MTTP: variants seen among roughly 807,000 people sequenced by gnomAD.
MTTP encodes the protein microsomal triglyceride transfer protein.
MTTP carries 49 observed loss-of-function variants against 90.6 expected under a neutral mutation model. The ratio of observed to expected loss-of-function variants is 0.54; its 90% confidence interval spans 0.43 to 0.69. The LOEUF (loss-of-function observed/expected upper bound fraction) is 0.69, where lower values mean the gene tolerates loss of function less well. Among genes scored for constraint, MTTP ranks in the 30% least tolerant of loss-of-function variants. MTTP has a pLI of 0.00. For synonymous variants in MTTP, 347 were observed against 384.2 expected (o/e 0.90, Z 1.13); for missense variants, 945 against 1,067.5 (o/e 0.89, Z 1.60).
At chr4:99,603,350 C>T (rs550936270) in intron 10 of MTTP, among the ~76,000 whole-genome samples, 10 of 152,032 alleles carry the variant, frequency 6.6e-5, no homozygotes, top group South Asian at 6.2e-4. Context: ...AGTCTTTAGG[C>T]GGATGAATGA....
At chr4:99,578,622 T>C (rs1725024705) in intron 1 of MTTP, among the ~76,000 whole-genome samples, 1 of 152,146 alleles carries the variant, frequency 6.6e-6, no homozygotes, top group Non-Finnish European at 1.5e-5. Context: ...ATATGGCCAG[T>C]AAAGTAGAGG....
At chr4:99,622,450 A>C (rs1726259787) in intron 17 of MTTP, among the ~76,000 whole-genome samples, 1 of 152,224 alleles carries the variant, frequency 6.6e-6, no homozygotes, top group Non-Finnish European at 1.5e-5. Flanking sequence ...TTCATTCTAG[A>C]AAAATGTATG....
intron 3 of MTTP, among the ~76,000 whole-genome samples, chr4:99,586,731 T>A (rs1454584026): frequency 6.6e-6 from 1 of 152,164 alleles, no homozygotes; most frequent in Non-Finnish European, 1.5e-5. Context: ...TCTCCTCTTA[T>A]TCTTAAAATA....
intron 15 of MTTP, among the ~76,000 whole-genome samples, chr4:99,615,401 T>C (rs1240894969): frequency 6.6e-6 from 1 of 152,228 alleles, no homozygotes; most frequent in Non-Finnish European, 1.5e-5. Flanking sequence ...CTTGTACAGT[T>C]TTTCTATTCA....
intron 1 of MTTP, among the ~76,000 whole-genome samples, chr4:99,580,392 T>G (rs1373455926): frequency 6.6e-6 from 1 of 151,096 alleles, no homozygotes; most frequent in African/African-American, 2.4e-5. Flanking sequence ...CTGGCTAACA[T>G]GGTGAAACCC....
chr4:99,583,805 T>C, intron 3 of MTTP: 1 of 554,794 alleles, frequency 1.8e-6, no homozygotes, highest in Non-Finnish European at 3.2e-6. Context: ...AAATTTCTCA[T>C]CAAATTATAA....
chr4:99,614,184 T>C (rs1726033389), intron 15 of MTTP, among the ~76,000 whole-genome samples: 1 of 152,212 alleles, frequency 6.6e-6, no homozygotes, highest in Non-Finnish European at 1.5e-5. Context: ...GTTACCTTCT[T>C]GCTATGTGCT....
chr4:99,576,652 G>A (rs1159153688), intron 1 of MTTP, among the ~76,000 whole-genome samples: 3 of 121,136 alleles, frequency 2.5e-5, no homozygotes, highest in Non-Finnish European at 4.7e-5. Context: ...CCGAGATCCC[G>A]CCACTGCACT....
Position 99,606,787 on chromosome 4 carries a change from GA to G in MTTP, c.1389del (p.Ala464GlnfsTer14), listed in dbSNP as rs1190381395. Reference protein sequence around the residue: ...EAKKLILGGLEKAEKKEDTRM... With the variant: ...EAKKLILGGLXKAEKKEDTRM... ...TAAGAAGTTAATCCTGGGAGGACTT[GA>G]AAAAGCAGAGAAAAAAGAGGACACC... On this transcript the variant is annotated frameshift_variant, in exon 11 of 18. Transcript: ENST00000265517. LOFTEE classifies it high-confidence loss of function. The G allele has an allele frequency of 6.2e-7, 1 of 1,613,936 alleles. No homozygotes were observed. The highest frequency in any genetic ancestry group is 8.5e-7 in the Non-Finnish European group (1 of 1,179,990).
chr4:99,592,585 G>A (rs1425298879), intron 6 of MTTP, among the ~76,000 whole-genome samples: 1 of 143,704 alleles, frequency 7.0e-6, no homozygotes, highest in Non-Finnish European at 1.5e-5. Context: ...ATATATATTA[G>A]CCTCGGCCTA....
At chr4:99,573,519 A>G (rs940866207), upstream of MTTP, among the ~76,000 whole-genome samples, 2 of 152,194 alleles carry the variant, frequency 1.3e-5, no homozygotes, top group Non-Finnish European at 2.9e-5. Flanking sequence ...TTTTTATACA[A>G]AATTTGTGAC....
intron 12 of MTTP, among the ~76,000 whole-genome samples, chr4:99,610,832 A>T (rs1015839157): frequency 1.3e-5 from 2 of 152,200 alleles, no homozygotes; most frequent in African/African-American, 4.8e-5. Flanking sequence ...TAAACAATAA[A>T]ACCATGACGA....
chr4:99,611,005 A>G, intron 12 of MTTP, 138 bp from the exon 13 acceptor site: 1 of 809,524 alleles, frequency 1.2e-6, no homozygotes. Flanking sequence ...GCCAGCTGGC[A>G]CCACCCTGGC....
intron 14 of MTTP, among the ~76,000 whole-genome samples, chr4:99,611,938 C>T (rs1725966921): frequency 1.3e-5 from 2 of 152,078 alleles, no homozygotes; most frequent in South Asian, 4.1e-4. Flanking sequence ...CTGTATTTCT[C>T]CAACACTGCT....
At chr4:99,582,759 A>T (rs1725151273) in intron 2 of MTTP, among the ~76,000 whole-genome samples, 1 of 152,164 alleles carries the variant, frequency 6.6e-6, no homozygotes, top group South Asian at 2.1e-4. Context: ...GGTACACAGG[A>T]CAAAGTACTT....
chr4:99,595,014 C>A, intron 7 of MTTP, 131 bp downstream of exon 7: 1 of 1,036,376 alleles, frequency 9.6e-7, no homozygotes, highest in Non-Finnish European at 1.5e-6. Context: ...GTTGTGATGA[C>A]AGCAGTCTCA....
Position 99,589,759 on chromosome 4 carries a change from C to T in MTTP, c.501+9C>T. ...CTGGAACCACCAATGAGGTACTTAC[C>T]AATATTAATAAGGATTCAGCATCTC... On this transcript the variant is annotated intron_variant, in intron 4 of 17. Transcript: ENST00000265517. The T allele has an allele frequency of 6.8e-7, 1 of 1,470,338 alleles. No individual in the cohort carries two copies. The highest frequency in any genetic ancestry group is 9.5e-7 in the Non-Finnish European group (1 of 1,051,318). 91.1% of individuals were successfully genotyped at this position (1,470,338 alleles called of 1,614,324 possible).
chr4:99,565,363 T>C (rs1724653159), intron 1 of MTTP, among the ~76,000 whole-genome samples: 1 of 152,058 alleles, frequency 6.6e-6, no homozygotes, highest in East Asian at 1.9e-4. Flanking sequence ...CATAGACATT[T>C]AACTTTGTAG....
At chr4:99,580,574 CAA>C (rs563138284) in intron 1 of MTTP, among the ~76,000 whole-genome samples, 3,810 of 39,374 alleles carry the variant, frequency 0.097, 19 homozygotes, top group East Asian at 0.24. Flanking sequence ...GACTCTGTCT[CAA>C]AAAAAAAAAA....
Sources: allele counts gnomAD v4.1 joint callset (sites outside exome capture counted in the v4.1 genomes callset), GRCh38; gene constraint gnomAD v4.1.1; transcripts MANE v1.5; gene names NCBI Gene and HGNC (gene_info 2026-07-23, HGNC 2026-07-21).